The following TCIRG1 variants were observed in gnomAD, a reference collection of about 807,000 sequenced individuals.
TCIRG1 encodes V-type proton ATPase 116 kDa subunit a 3.
TCIRG1 carries 86 observed loss-of-function variants against 95.5 expected under a neutral mutation model. The ratio of observed to expected loss-of-function variants is 0.90; its 90% CI spans 0.76 to 1.08. The LOEUF is 1.08. Among genes scored for constraint, TCIRG1 ranks in the 50% least tolerant of loss-of-function variants. TCIRG1 has a pLI of 0.00. For synonymous variants in TCIRG1, 499 were observed against 501.3 expected (o/e 1.00, Z 0.06); for missense variants, 1,069 against 1,140.2 (o/e 0.94, Z 0.90).
In TCIRG1 at chr11:68,040,737, G is replaced by C. The variant is rs993743765; in HGVS notation, c.-4-531G>C. Among the ~76,000 whole-genome samples, 7 of 152,200 alleles carry C rather than the reference G, an allele frequency of 4.6e-5. No individual in the cohort carries two copies. The South Asian group carries it at 6.2e-4, about 13-fold the overall frequency. ...CACCTGGAAGGCTGCGGCTGCTGCC[G>C]GGCGGCCCGGGCCTCAGGGGACAGC... On this transcript the variant is annotated intron_variant, in intron 1 of 19. Transcript: ENST00000265686.
intron 3 of TCIRG1, among the ~76,000 whole-genome samples, chr11:68,042,363 C>G (rs1388753025): frequency 6.6e-6 from 1 of 152,214 alleles, no homozygotes; most frequent in Admixed American, 6.5e-5. Flanking sequence ...GGACTCACGC[C>G]AGCTCCGGTC....
Position 68,042,953 on chromosome 11 carries a change from C to T in TCIRG1, c.425C>T (p.Ala142Val). The T allele has an allele frequency of 6.4e-7, 1 of 1,553,902 alleles. No homozygotes were observed. Among genetic ancestry groups the T allele is most frequent in the Non-Finnish European group, 8.7e-7 (1 of 1,148,794 alleles). The stretch of plus-strand genomic sequence containing the variant: ...GTGCTTCTGGGTTCCTAGCTGGCAG[C>T]CGCCCACACAGATGGGGCCTCAGAG... ...LRQGHEPQLA[A>V]AHTDGASERT... The change falls in exon 5 of 20, where the codon GCC becomes GTC. Residue 142 changes from alanine to valine, a missense_variant. Coordinates refer to ENST00000265686, the MANE Select transcript of TCIRG1 (RefSeq NM_006019.4).
At chr11:68,043,992 T>G in intron 8 of TCIRG1, 85 bp downstream of exon 8, 1 of 1,310,554 alleles carries the variant, frequency 7.6e-7, no homozygotes, top group South Asian at 1.3e-5. Context: ...GTGGGTGCCC[T>G]GGCCTGGCCT....
downstream of TCIRG1, among the ~76,000 whole-genome samples, chr11:68,051,303 A>T (rs1290813833): frequency 6.6e-6 from 1 of 152,184 alleles, no homozygotes; most frequent in Non-Finnish European, 1.5e-5. Context: ...CACACGCCCA[A>T]GGCCACACAC....
chr11:68,042,596 G>T, intron 3 of TCIRG1, 47 bp from the exon 4 acceptor site: 1 of 1,483,612 alleles, frequency 6.7e-7, no homozygotes, highest in Non-Finnish European at 9.2e-7. Flanking sequence ...GCCCTCAACT[G>T]TTGAGACAAC....
downstream of TCIRG1, chr11:68,052,319 G>C (rs1277234850): frequency 6.6e-6 from 1 of 152,402 alleles, no homozygotes; most frequent in South Asian, 2.1e-4. Context: ...CAAAGTGAAG[G>C]AGCCCAGTAT....
Position 68,042,796 on chromosome 11 carries a change from C to T in TCIRG1, c.350C>T (p.Ala117Val), listed in dbSNP as rs1395300898. 3 of 1,548,332 alleles carry T rather than the reference C, an allele frequency of 1.9e-6. No individual in the cohort carries two copies. Among genetic ancestry groups the T allele is most frequent in the Non-Finnish European group, 1.7e-6 (2 of 1,146,392 alleles). ...ELRDVRGNQQ[A>V]LRAQLHQLQL... ...CGGGATGTGCGGGGCAACCAGCAGG[C>T]CCTGCGGGCCCAGCTGCACCAGCTG... The change falls in exon 4 of 20, where the codon GCC becomes GTC. Residue 117 changes from alanine to valine, a missense_variant. By Grantham distance (64) the Ala-to-Val change is moderately conservative (BLOSUM62 0). Coordinates refer to ENST00000265686, the MANE Select transcript of TCIRG1 (RefSeq NM_006019.4).
intron 17 of TCIRG1, 32 bp downstream of exon 17, chr11:68,050,098 G>A (rs748174933): frequency 1.9e-6 from 3 of 1,611,786 alleles, no homozygotes; most frequent in South Asian, 1.1e-5. Flanking sequence ...GGGTGGGACG[G>A]CTGAGGCCCT....
In TCIRG1 at chr11:68,043,652, T is replaced by A; in HGVS notation, c.712T>A (p.Cys238Ser). Residue 238 changes from cysteine to serine, a missense_variant and splice_region_variant, in exon 7 of 20, where the codon TGC (cysteine) becomes AGC (serine). Transcript: ENST00000265686. ...ACAGAAGATCCGCAAGATCACGGACTGGTGAGTCACTGGGAACACCCGCCC... is the reference window on the plus strand; with the variant it reads ...ACAGAAGATCCGCAAGATCACGGACAGGTGAGTCACTGGGAACACCCGCCC... ...IGQKIRKITD[C>S]FHCHVFPFLQ... 2 of 1,607,316 alleles carry A rather than the reference T, an allele frequency of 1.2e-6. No homozygotes were observed. The highest frequency in any genetic ancestry group is 1.7e-6 in the Non-Finnish European group (2 of 1,177,184).
downstream of TCIRG1, among the ~76,000 whole-genome samples, chr11:68,051,750 A>C (rs996296478): frequency 3.3e-5 from 5 of 152,224 alleles, no homozygotes; most frequent in East Asian, 1.9e-4. Flanking sequence ...GGAGCAGAGA[A>C]GGCTAAATGA....
At chr11:68,051,690 C>T (rs1048942661), downstream of TCIRG1, among the ~76,000 whole-genome samples, 2 of 152,206 alleles carry the variant, frequency 1.3e-5, no homozygotes, top group African/African-American at 4.8e-5. Context: ...GGTAATTCCA[C>T]ATGCCCAGCA....
chr11:68,049,904 G>A (rs1205725629), intron 16 of TCIRG1, 58 bp from the exon 17 acceptor site: 1 of 1,564,620 alleles, frequency 6.4e-7, no homozygotes, highest in Non-Finnish European at 8.7e-7. Context: ...AGGCCTGGCG[G>A]GTGGTGGGGG....
rs766321246 is a variant in TCIRG1 at position 68,050,557 on chromosome 11, G to A, written c.2307G>A (p.Ala769=). The change falls in exon 19 of 20, where the codon GCG becomes GCA. Residue 769 remains alanine (A), a synonymous_variant. Transcript: ENST00000265686. The stretch of plus-strand genomic sequence containing the variant: ...GCCTGGGCCGGGAGGTGGGCGTGGC[G>A]GCTGTGGTGCTGGTCCCCATCTTTG... The part of the protein sequence containing the change: ...GLGLGREVGV[A]AVVLVPIFAA... The A allele has an allele frequency of 1.9e-5, 31 of 1,613,610 alleles. No homozygotes were observed. Among genetic ancestry groups the A allele is most frequent in the African/African-American group, 2.7e-5 (2 of 74,934 alleles).
In TCIRG1 at chr11:68,044,308, C is replaced by A. The variant is rs1384016071; in HGVS notation, c.984C>A (p.Asp328Glu). 21 of 1,600,080 alleles carry A rather than the reference C, an allele frequency of 1.3e-5. No homozygotes were observed. Among genetic ancestry groups the A allele is most frequent in the East Asian group, 9.0e-5 (4 of 44,326 alleles). The part of the protein sequence containing the change: ...LIAEAWCSVR[D>E]LPALQEALRD... Reference sequence around the variant, plus strand: ...CCGAGGCCTGGTGCTCTGTGCGAGACCTGCCCGCCCTGCAGGAGGCCCTGC... The same window carrying A: ...CCGAGGCCTGGTGCTCTGTGCGAGAACTGCCCGCCCTGCAGGAGGCCCTGC... Residue 328 changes from aspartate to glutamate, a missense_variant, in exon 9 of 20, where the codon GAC becomes GAA. Physicochemically the swap from Asp to Glu is conservative, Grantham distance 45 (BLOSUM62 2). Coordinates refer to ENST00000265686, the MANE Select transcript of TCIRG1 (RefSeq NM_006019.4).
In TCIRG1 at chr11:68,043,567, G is replaced by T; in HGVS notation, c.631-4G>T. 6.2e-7 allele frequency: 1 copy of T among 1,606,914 alleles called. No homozygotes were observed. Among genetic ancestry groups the T allele is most frequent in the Non-Finnish European group, 8.5e-7 (1 of 1,177,402 alleles). On this transcript the variant is annotated splice_region_variant and splice_polypyrimidine_tract_variant and intron_variant, in intron 6 of 19. Coordinates refer to ENST00000265686, the MANE Select transcript of TCIRG1 (RefSeq NM_006019.4). The stretch of plus-strand genomic sequence containing the variant: ...CCCCAGAGTCAGCTGAGCCTGCTCT[G>T]CAGGGCGAGCCAGCCACGTGGATGA...
intron 7 of TCIRG1, 23 bp from the exon 8 acceptor site, chr11:68,043,785 GCCCCTC>G (rs1303886347): frequency 6.4e-7 from 1 of 1,552,892 alleles, no homozygotes; most frequent in African/African-American, 1.4e-5. Context: ...TGTCCTTCTG[GCCCCTC>G]ACGCAGCGCA....
rs1320485259 is a variant in TCIRG1, at chr11:68,043,045, G to A, written c.503+14G>A. Reference sequence around the variant, plus strand: ...CCTGAGGGTCAAGTGAGTGAGGGATGACCTCATGCCCTTTCTGGCCAGCCC... The same window carrying A: ...CCTGAGGGTCAAGTGAGTGAGGGATAACCTCATGCCCTTTCTGGCCAGCCC... On this transcript the variant is annotated intron_variant, in intron 5 of 19. Coordinates refer to ENST00000265686, the MANE Select transcript of TCIRG1 (RefSeq NM_006019.4). 6.5e-7 allele frequency: 1 copy of A among 1,549,710 alleles called. No homozygotes were observed. Among genetic ancestry groups the A allele is most frequent in the Non-Finnish European group, 8.7e-7 (1 of 1,146,912 alleles).
At chr11:68,045,701 G>A (rs545880597) in intron 10 of TCIRG1, among the ~76,000 whole-genome samples, 2 of 152,050 alleles carry the variant, frequency 1.3e-5, no homozygotes, top group South Asian at 2.1e-4. Context: ...TTACAGGCAC[G>A]CACCACCACG....
chr11:68,049,756 C>T lies in TCIRG1; in HGVS notation c.1981C>T (p.Arg661Cys), dbSNP rs770889100. Residue 661 changes from arginine (R) to cysteine (C), a missense_variant, in exon 16 of 20, where the codon CGC (arginine) becomes TGC (cysteine). By Grantham distance (180) the Arg-to-Cys change is radical (BLOSUM62 -3). Transcript: ENST00000265686. ...CCTGCACCTGCTGCACCGCCACCGC[C>T]GCCGCCTGCGGAGGAGGCCCGCTGA... is the stretch of plus-strand genomic sequence containing the variant. ...TPLHLLHRHR[R>C]RLRRRPADRQ... 142 of 1,576,748 alleles carry T rather than the reference C, an allele frequency of 9.0e-5. No individual in the cohort carries two copies. Among genetic ancestry groups the T allele is most frequent in the Admixed American group, 2.9e-4 (16 of 55,412 alleles).
Sources: allele counts gnomAD v4.1 joint callset (sites outside exome capture counted in the v4.1 genomes callset), GRCh38; gene constraint gnomAD v4.1.1; transcripts MANE v1.5; gene names NCBI Gene and HGNC (gene_info 2026-07-23, HGNC 2026-07-21).